The following FNIP2 variants were observed in gnomAD, a reference collection of about 807,000 sequenced individuals.
FNIP2 encodes folliculin interacting protein 2, also known as folliculin-interacting protein 2.
A neutral mutation model predicts 108.7 loss-of-function variants in FNIP2; 32 were observed. The ratio of observed to expected loss-of-function variants is 0.29; its 90% CI spans 0.22 to 0.40. The LOEUF is 0.40. Ranked by LOEUF, FNIP2 falls within the 10% of genes least tolerant of loss-of-function variation. FNIP2 has a pLI of 1.00. For missense variants in FNIP2, 1,202 were observed against 1,381.6 expected, an observed-to-expected ratio of 0.87 and a Z score of 2.06; for synonymous variants, 480 against 496.7, an observed-to-expected ratio of 0.97 and a Z score of 0.45.
intron 14 of FNIP2, among the ~76,000 whole-genome samples, chr4:158,884,094 A>G (rs150788794): frequency 2.1e-4 from 32 of 152,068 alleles, no homozygotes; most frequent in African/African-American, 7.5e-4. Flanking sequence ...CTCACTCTTC[A>G]TTGGGTTAAA....
chr4:158,869,815 G>A (rs926919696), intron 13 of FNIP2, among the ~76,000 whole-genome samples: 10 of 152,242 alleles, frequency 6.6e-5, no homozygotes, highest in African/African-American at 1.9e-4. Flanking sequence ...TACACTCGCC[G>A]TGTGGCCTCT....
intron 7 of FNIP2, among the ~76,000 whole-genome samples, chr4:158,841,247 G>A (rs905065272): frequency 2.0e-5 from 3 of 152,150 alleles, no homozygotes; most frequent in African/African-American, 4.8e-5. Context: ...TGATGGTTGC[G>A]AGATAAGGCT....
chr4:158,815,686 A>G (rs776073907), intron 1 of FNIP2, among the ~76,000 whole-genome samples: 9 of 152,188 alleles, frequency 5.9e-5, no homozygotes, highest in Non-Finnish European at 1.2e-4. Context: ...TTTCTACTCC[A>G]GAGTCAACTA....
intron 10 of FNIP2, among the ~76,000 whole-genome samples, chr4:158,860,860 T>G (rs1056438191): frequency 2.0e-5 from 3 of 152,102 alleles, no homozygotes; most frequent in African/African-American, 7.2e-5. Context: ...TTTCACCATA[T>G]TGGCCAGAAT....
At chr4:158,790,868 T>C (rs1005006637) in intron 1 of FNIP2, among the ~76,000 whole-genome samples, 7 of 152,186 alleles carry the variant, frequency 4.6e-5, no homozygotes, top group African/African-American at 1.4e-4. Context: ...CTTAGCACTT[T>C]CTTGGATTTG....
intron 7 of FNIP2, among the ~76,000 whole-genome samples, chr4:158,849,550 A>AT (rs1428028187): frequency 6.6e-6 from 1 of 152,112 alleles, no homozygotes; most frequent in African/African-American, 2.4e-5. Context: ...GAGATGTGGG[A>AT]GGGGGCTTCT....
intron 1 of FNIP2, among the ~76,000 whole-genome samples, chr4:158,824,224 C>T (rs2126556798): frequency 6.6e-6 from 1 of 152,294 alleles, no homozygotes; most frequent in African/African-American, 2.4e-5. Context: ...TTGTGTGAGG[C>T]ACTTTACGCT....
At chr4:158,816,069 G>A (rs1322950061) in intron 1 of FNIP2, among the ~76,000 whole-genome samples, 5 of 151,964 alleles carry the variant, frequency 3.3e-5, no homozygotes. Context: ...GCTGGGTCAC[G>A]AGTATATATA....
chr4:158,783,605 C>CT (rs1447949813), intron 1 of FNIP2, among the ~76,000 whole-genome samples: 1 of 152,170 alleles, frequency 6.6e-6, no homozygotes, highest in Admixed American at 6.5e-5. Flanking sequence ...CAGGCTTGAT[C>CT]TTTTTTTCTT....
At chr4:158,819,515 A>G (rs1234695595) in intron 1 of FNIP2, among the ~76,000 whole-genome samples, 1 of 152,234 alleles carries the variant, frequency 6.6e-6, no homozygotes. Context: ...TTTTTTATGC[A>G]GTTCCACTGA....
chr4:158,837,361 T>A (rs1278886600), intron 7 of FNIP2, among the ~76,000 whole-genome samples: 3 of 152,210 alleles, frequency 2.0e-5, no homozygotes, highest in African/African-American at 7.2e-5. Context: ...ACATCACAGT[T>A]TCTGCACAGC....
intron 7 of FNIP2, among the ~76,000 whole-genome samples, chr4:158,843,133 G>A (rs1368599732): frequency 2.0e-5 from 3 of 152,076 alleles, no homozygotes; most frequent in Non-Finnish European, 4.4e-5. Context: ...ATTGTGTTGT[G>A]GATGTAATAC....
At position 158,868,399 on chromosome 4, in the gene FNIP2, C is replaced by T; in HGVS notation, c.1763C>T (p.Ala588Val). Residue 588 changes from alanine (A) to valine (V), a missense_variant, in exon 13 of 17, where the codon GCA becomes GTA. Physicochemically the swap from Ala to Val is moderately conservative, Grantham distance 64. Coordinates refer to ENST00000264433, the MANE Select transcript of FNIP2 (RefSeq NM_020840.3). This position sits in a 1 kb window ranked among gnomAD's most constrained non-coding sequence, Gnocchi z 4.6. Reference protein sequence around the residue: ...LVPPILPPTAAERHNPWPTGF... With the variant: ...LVPPILPPTAVERHNPWPTGF... ...CCCCCCATCCTACCACCAACAGCAG[C>T]AGAGAGACACAACCCCTGGCCGACA... 2 of 1,614,018 alleles carry T rather than the reference C, an allele frequency of 1.2e-6. No individual in the cohort carries two copies. The highest frequency in any genetic ancestry group is 1.7e-6 in the Non-Finnish European group (2 of 1,179,904).
At chr4:158,779,882 C>G (rs577390223) in intron 1 of FNIP2, among the ~76,000 whole-genome samples, 1 of 151,932 alleles carries the variant, frequency 6.6e-6, no homozygotes, top group East Asian at 1.9e-4. Context: ...CCTTGCCTGA[C>G]CATAAATATC....
At chr4:158,841,290 C>G (rs573321048) in intron 7 of FNIP2, among the ~76,000 whole-genome samples, 2 of 152,284 alleles carry the variant, frequency 1.3e-5, no homozygotes, top group East Asian at 3.9e-4. Context: ...GTTTGAAATT[C>G]TCACTGGTAC....
At chr4:158,856,487 A>T (rs912325043) in intron 8 of FNIP2, among the ~76,000 whole-genome samples, 5 of 152,194 alleles carry the variant, frequency 3.3e-5, no homozygotes, top group African/African-American at 1.2e-4. Context: ...TATTAGGAAA[A>T]AAATTGTATG....
intron 1 of FNIP2, among the ~76,000 whole-genome samples, chr4:158,801,161 G>A (rs1489478940): frequency 6.6e-6 from 1 of 152,144 alleles, no homozygotes; most frequent in African/African-American, 2.4e-5. Flanking sequence ...CTGAAGTGCT[G>A]GACTGGGAGT....
chr4:158,776,579 T>C (rs559740397), intron 1 of FNIP2, among the ~76,000 whole-genome samples: 1 of 152,380 alleles, frequency 6.6e-6, no homozygotes, highest in East Asian at 1.9e-4. Flanking sequence ...TTATAAAATA[T>C]GATTTAAAGA....
intron 1 of FNIP2, among the ~76,000 whole-genome samples, chr4:158,815,186 G>A (rs1457387024): frequency 1.3e-5 from 2 of 152,122 alleles, no homozygotes; most frequent in South Asian, 4.1e-4. Context: ...AAGAGATTAG[G>A]TAACTCACCA....
Sources: allele counts gnomAD v4.1 joint callset (sites outside exome capture counted in the v4.1 genomes callset), GRCh38; gene constraint gnomAD v4.1.1; non-coding constraint Gnocchi (gnomAD v3.1); transcripts MANE v1.5; gene names NCBI Gene and HGNC (gene_info 2026-07-23, HGNC 2026-07-21).